The following PCCA variants were observed in gnomAD, a reference collection of about 807,000 sequenced individuals.
PCCA encodes propionyl-CoA carboxylase subunit alpha, also known as propionyl-CoA carboxylase alpha chain, mitochondrial.
Under a neutral mutation model 101.3 loss-of-function variants are expected in PCCA, and 74 were observed. That is an observed-to-expected ratio of 0.73 (90% confidence interval 0.61 to 0.89). The LOEUF is 0.89. Ranked by LOEUF, PCCA falls within the 40% of genes least tolerant of loss-of-function variation. The probability of loss-of-function intolerance (pLI) is 0.00; values close to 1 mark genes in which losing one functional copy is unlikely to be tolerated. For synonymous variants in PCCA, 294 were observed against 313.6 expected (o/e 0.94, Z 0.66); for missense variants, 891 against 907.0 (o/e 0.98, Z 0.23).
At chr13:100,263,555 C>T (rs953150188) in intron 10 of PCCA, among the ~76,000 whole-genome samples, 1 of 151,912 alleles carries the variant, frequency 6.6e-6, no homozygotes, top group African/African-American at 2.4e-5. Context: ...TCAGTTTATT[C>T]CTTAAGTTTA....
At chr13:100,321,590 TCTGTGTG>T (rs1258729075) in intron 16 of PCCA, among the ~76,000 whole-genome samples, 61 of 24,380 alleles carry the variant, frequency 2.5e-3, no homozygotes, top group African/African-American at 9.3e-3. Context: ...CTATAGAAGA[TCTGTGTG>T]TGTGTGTGTG....
chr13:100,415,817 T>C (rs2078323741), intron 19 of PCCA, among the ~76,000 whole-genome samples: 2 of 152,228 alleles, frequency 1.3e-5, no homozygotes, highest in Non-Finnish European at 2.9e-5. Flanking sequence ...TTGGCAAATA[T>C]TTTGTTTTGT....
At chr13:100,444,538 G>A (rs932235563) in intron 20 of PCCA, among the ~76,000 whole-genome samples, 1 of 138,536 alleles carries the variant, frequency 7.2e-6, no homozygotes, top group Non-Finnish European at 1.5e-5. Flanking sequence ...TGCCTCCCGG[G>A]TTCACGCCAT....
chr13:100,481,625 A>C (rs2083943333), intron 21 of PCCA, among the ~76,000 whole-genome samples: 1 of 152,122 alleles, frequency 6.6e-6, no homozygotes, highest in Non-Finnish European at 1.5e-5. Context: ...GATGGCCACT[A>C]AGTGACTGGT....
intron 19 of PCCA, among the ~76,000 whole-genome samples, chr13:100,396,946 G>C (rs2085242934): frequency 6.6e-6 from 1 of 152,124 alleles, no homozygotes; most frequent in South Asian, 2.1e-4. Flanking sequence ...TAAACCTGCA[G>C]TTTCCCTTTC....
intron 10 of PCCA, among the ~76,000 whole-genome samples, chr13:100,267,528 A>G (rs2063024296): frequency 6.6e-6 from 1 of 152,210 alleles, no homozygotes; most frequent in Non-Finnish European, 1.5e-5. Flanking sequence ...ATAATGCACA[A>G]AGAAACAGAA....
rs182137681 is a variant in PCCA, at chr13:100,397,697, G to A, written c.1747-27936G>A. Among the ~76,000 whole-genome samples the A allele has an allele frequency of 1.2e-3, 177 of 152,218 alleles. 2 individuals carry two copies. The highest frequency in any genetic ancestry group is 5.4e-4 in the Non-Finnish European group (37 of 68,006). ...GCTTTGAGCATGGCTGTGTGTGGCT[G>A]TATTTGCTCTTGGCCATATTTATTG... On this transcript the variant is annotated intron_variant, in intron 19 of 23. Transcript: ENST00000376285.
chr13:100,143,489 TGC>T (rs2052144597), intron 4 of PCCA, among the ~76,000 whole-genome samples: 1 of 149,598 alleles, frequency 6.7e-6, no homozygotes, highest in African/African-American at 2.5e-5. Context: ...GAGCTGAGAT[TGC>T]GCCACTGTAC....
In PCCA at chr13:100,530,189, T is replaced by C; in HGVS notation, c.*23T>C. The C allele has an allele frequency of 6.3e-7, 1 of 1,585,098 alleles. No homozygotes were observed. The highest frequency in any genetic ancestry group is 8.7e-7 in the Non-Finnish European group (1 of 1,153,790). ...TGAAGGATTTATAACCTTTCAGTCA[T>C]CACCCAATTTAATTAGCCATTTGCA... On this transcript the variant is annotated 3_prime_UTR_variant, in exon 24 of 24. Coordinates refer to ENST00000376285, the MANE Select transcript of PCCA (RefSeq NM_000282.4).
In PCCA at chr13:100,412,028, G is replaced by A. The variant is rs12429310; in HGVS notation, c.1747-13605G>A. Among the ~76,000 whole-genome samples, 377 of 152,310 alleles carry A rather than the reference G, an allele frequency of 2.5e-3. 4 individuals carry two copies. Among genetic ancestry groups the A allele is most frequent in the Admixed American group, 0.019 (288 of 15,308 alleles). On this transcript the variant is annotated intron_variant, in intron 19 of 23. Transcript: ENST00000376285. ...AAACTAAATGTATGAACCTAAATTAGATCTTAGACATACCATAAAGGACAT... is the reference window on the plus strand; with the variant it reads ...AAACTAAATGTATGAACCTAAATTAAATCTTAGACATACCATAAAGGACAT...
intron 21 of PCCA, among the ~76,000 whole-genome samples, chr13:100,475,873 A>AT (rs1416425503): frequency 6.6e-6 from 1 of 152,134 alleles, no homozygotes; most frequent in Admixed American, 6.5e-5. Flanking sequence ...AATATTCTCT[A>AT]TGTAGTATTC....
chr13:100,162,702 CTGAG>C (rs1474617213), intron 6 of PCCA, among the ~76,000 whole-genome samples: 2 of 151,908 alleles, frequency 1.3e-5, no homozygotes, highest in Non-Finnish European at 2.9e-5. Context: ...AGTAAGGTAA[CTGAG>C]TGAGCTTTGC....
intron 4 of PCCA, among the ~76,000 whole-genome samples, chr13:100,140,963 T>C (rs1315658959): frequency 6.6e-6 from 1 of 152,220 alleles, no homozygotes; most frequent in Non-Finnish European, 1.5e-5. Context: ...CTAACCTTCA[T>C]CTGAGGTTAC....
At chr13:100,348,727 CCTTTCTTTCTTTCTTTCTTTCTTT>C (rs139583993) in intron 18 of PCCA, among the ~76,000 whole-genome samples, 1,021 of 99,538 alleles carry the variant, frequency 0.01, 20 homozygotes, top group African/African-American at 0.038. Context: ...CGTTTTTTTT[CCTTTCTTTCTTTCTTTCTTTCTTT>C]CTTTCTTTCT....
intron 12 of PCCA, among the ~76,000 whole-genome samples, chr13:100,277,218 T>C (rs560761982): frequency 7.9e-5 from 12 of 152,086 alleles, no homozygotes; most frequent in Non-Finnish European, 1.8e-4. Flanking sequence ...CCACTAAAAG[T>C]GGGGGTAGTT....
At chr13:100,217,715 C>T (rs947663507) in intron 7 of PCCA, among the ~76,000 whole-genome samples, 4 of 150,608 alleles carry the variant, frequency 2.7e-5, no homozygotes, top group African/African-American at 4.9e-5. Context: ...ATTAGTTGGG[C>T]GTGGTGGCAG....
chr13:100,237,708 T>A (rs935837759), intron 8 of PCCA, among the ~76,000 whole-genome samples: 9 of 152,232 alleles, frequency 5.9e-5, no homozygotes, highest in East Asian at 1.9e-4. Context: ...ATCAACCTCA[T>A]TGGATATAAT....
chr13:100,350,363 G>T (rs888284885), intron 18 of PCCA, among the ~76,000 whole-genome samples: 11 of 152,062 alleles, frequency 7.2e-5, no homozygotes, highest in Non-Finnish European at 1.5e-5. Flanking sequence ...AGCACTTTAA[G>T]TATATATTTA....
chr13:100,410,761 T>C (rs2078000323), intron 19 of PCCA, among the ~76,000 whole-genome samples: 1 of 152,070 alleles, frequency 6.6e-6, no homozygotes, highest in Non-Finnish European at 1.5e-5. Flanking sequence ...TAGCACACTC[T>C]TTTTTTTCCC....
Sources: allele counts gnomAD v4.1 joint callset (sites outside exome capture counted in the v4.1 genomes callset), GRCh38; gene constraint gnomAD v4.1.1; transcripts MANE v1.5; gene names NCBI Gene and HGNC (gene_info 2026-07-23, HGNC 2026-07-21).